The following EBF1 variants were observed in gnomAD, a reference collection of about 807,000 sequenced individuals.
EBF1 encodes transcription factor COE1.
In EBF1, 10 loss-of-function variants were observed where a neutral mutation model predicts 68.4. That is an observed-to-expected ratio of 0.15 (90% CI 0.09 to 0.25). EBF1 has a LOEUF of 0.25. Ranked by LOEUF, EBF1 falls within the 10% of genes least tolerant of loss-of-function variation. The pLI is 1.00. For synonymous variants in EBF1, 298 were observed against 299.8 expected (o/e 0.99, Z 0.06); for missense variants, 509 against 794.4 (o/e 0.64, Z 4.32).
At chr5:158,741,467 C>T (rs945129174) in intron 10 of EBF1, among the ~76,000 whole-genome samples, 7 of 151,354 alleles carry the variant, frequency 4.6e-5, no homozygotes, top group African/African-American at 1.5e-4. Context: ...TCCAGCTACT[C>T]GGGAGGCTGA....
At chr5:158,732,756 C>T (rs1764376661) in intron 10 of EBF1, among the ~76,000 whole-genome samples, 1 of 152,080 alleles carries the variant, frequency 6.6e-6, no homozygotes, top group Non-Finnish European at 1.5e-5. Context: ...CTTTAGGTAA[C>T]TTTTTATTAG....
chr5:158,897,604 A>T (rs960332260), intron 6 of EBF1, among the ~76,000 whole-genome samples: 2 of 152,100 alleles, frequency 1.3e-5, no homozygotes, highest in African/African-American at 4.8e-5. Flanking sequence ...TCTTGCTCTC[A>T]TCTAGTTGAA....
At chr5:158,998,132 C>T (rs550153909) in intron 6 of EBF1, among the ~76,000 whole-genome samples, 1 of 152,216 alleles carries the variant, frequency 6.6e-6, no homozygotes, top group South Asian at 2.1e-4. Context: ...CCTTGCATCG[C>T]TTTCACTATA....
At chr5:158,766,070 G>A (rs1471065949) in intron 10 of EBF1, among the ~76,000 whole-genome samples, 1 of 152,166 alleles carries the variant, frequency 6.6e-6, no homozygotes, top group African/African-American at 2.4e-5. Flanking sequence ...CATAATCAAT[G>A]GTGGTTTAGT....
chr5:158,905,939 G>A (rs558954846), intron 6 of EBF1, among the ~76,000 whole-genome samples: 1 of 152,280 alleles, frequency 6.6e-6, no homozygotes, highest in Non-Finnish European at 1.5e-5. Flanking sequence ...ATTTGTATGA[G>A]ATTATTTCCA....
intron 6 of EBF1, among the ~76,000 whole-genome samples, chr5:159,054,370 T>G (rs1397870433): frequency 1.3e-5 from 2 of 152,222 alleles, no homozygotes; most frequent in African/African-American, 4.8e-5. Flanking sequence ...GTCAAAATAT[T>G]ATAATGTTTA....
chr5:159,041,912 T>C (rs1771270081), intron 6 of EBF1, among the ~76,000 whole-genome samples: 1 of 152,208 alleles, frequency 6.6e-6, no homozygotes, highest in Admixed American at 6.5e-5. Context: ...GAGATTTAAC[T>C]ACTCACTTTT....
At chr5:158,848,946 A>T (rs1792071872) in intron 6 of EBF1, among the ~76,000 whole-genome samples, 1 of 152,172 alleles carries the variant, frequency 6.6e-6, no homozygotes. Context: ...AAAAAGTACA[A>T]ATGTTCGTTG....
intron 6 of EBF1, among the ~76,000 whole-genome samples, chr5:158,896,182 A>G (rs932349870): frequency 2.0e-5 from 3 of 152,336 alleles, no homozygotes; most frequent in Admixed American, 1.3e-4. Flanking sequence ...ACTTGAGGAT[A>G]AAGAGCTTTC....
At chr5:158,989,181 C>A (rs1292684856) in intron 6 of EBF1, among the ~76,000 whole-genome samples, 3 of 152,228 alleles carry the variant, frequency 2.0e-5, no homozygotes, top group African/African-American at 7.2e-5. Flanking sequence ...ATCACAGCAG[C>A]TGGACAGCGA....
At chr5:159,088,597 A>T (rs1374553855) in intron 4 of EBF1, among the ~76,000 whole-genome samples, 3 of 152,150 alleles carry the variant, frequency 2.0e-5, no homozygotes, top group Non-Finnish European at 4.4e-5. Context: ...TTTAAGTGAA[A>T]CCATTTTAAT....
chr5:158,927,995 C>A (rs1421037387), intron 6 of EBF1, among the ~76,000 whole-genome samples: 1 of 152,172 alleles, frequency 6.6e-6, no homozygotes, highest in Non-Finnish European at 1.5e-5. Context: ...CTCACAACAC[C>A]ACTCTATAAT....
At chr5:158,957,458 C>G (rs1817364501) in intron 6 of EBF1, among the ~76,000 whole-genome samples, 1 of 152,218 alleles carries the variant, frequency 6.6e-6, no homozygotes, top group South Asian at 2.1e-4. Context: ...ATAGGAGATG[C>G]TGAATCAACA....
chr5:158,833,435 T>C (rs1345158337), intron 7 of EBF1, among the ~76,000 whole-genome samples: 1 of 152,242 alleles, frequency 6.6e-6, no homozygotes, highest in Non-Finnish European at 1.5e-5. Flanking sequence ...TTTGTACACA[T>C]CTTCATTGCA....
chr5:158,793,070 C>T (rs1357472966), intron 9 of EBF1, among the ~76,000 whole-genome samples: 1 of 152,120 alleles, frequency 6.6e-6, no homozygotes, highest in Non-Finnish European at 1.5e-5. Context: ...GGTTCAAGTC[C>T]CATCTCTCTA....
intron 6 of EBF1, among the ~76,000 whole-genome samples, chr5:158,957,983 C>T (rs1421112124): frequency 2.0e-5 from 3 of 152,032 alleles, no homozygotes; most frequent in Non-Finnish European, 4.4e-5. Flanking sequence ...AATAAGAAAA[C>T]GTAAAGAAAA....
chr5:158,717,756 C>T (rs1334177283), intron 11 of EBF1, among the ~76,000 whole-genome samples: 1 of 151,984 alleles, frequency 6.6e-6, no homozygotes, highest in Non-Finnish European at 1.5e-5. Flanking sequence ...CTGAGTCAGA[C>T]AATTTTTCTG....
chr5:158,720,473 A>G (rs996097722), intron 11 of EBF1, among the ~76,000 whole-genome samples: 2 of 152,194 alleles, frequency 1.3e-5, no homozygotes, highest in African/African-American at 4.8e-5. Context: ...TAGACTTTGC[A>G]TTCTAAAAAA....
At chr5:158,768,155 C>A (rs1773143339) in intron 10 of EBF1, among the ~76,000 whole-genome samples, 1 of 152,018 alleles carries the variant, frequency 6.6e-6, no homozygotes, top group African/African-American at 2.4e-5. Flanking sequence ...CAGATCCTGA[C>A]CCCAAATAAT....
Sources: allele counts gnomAD v4.1 joint callset (sites outside exome capture counted in the v4.1 genomes callset), GRCh38; gene constraint gnomAD v4.1.1; transcripts MANE v1.5; gene names NCBI Gene and HGNC (gene_info 2026-07-23, HGNC 2026-07-21).